Variants in ATP13A4 observed in about 807,000 individuals in gnomAD.
ATP13A4 encodes the protein ATPase 13A4.
In ATP13A4, 114 loss-of-function variants were observed where a neutral mutation model predicts 142.5. The ratio of observed to expected loss-of-function variants is 0.80; its 90% CI spans 0.69 to 0.93. ATP13A4 has a LOEUF of 0.93. ATP13A4 is among the 40% of genes least tolerant of loss of function. ATP13A4 has a pLI of 0.00. For synonymous variants in ATP13A4, 488 were observed against 514.8 expected (o/e 0.95, Z 0.70); for missense variants, 1,392 against 1,454.0 (o/e 0.96, Z 0.69).
intron 1 of ATP13A4, among the ~76,000 whole-genome samples, chr3:193,585,463 C>T (rs1577091155): frequency 6.8e-6 from 1 of 147,036 alleles, no homozygotes; most frequent in East Asian, 2.0e-4. Context: ...AAACAAAAAA[C>T]ATCAGGTTTG....
chr3:193,433,800 A>G (rs778336520), intron 25 of ATP13A4, 45 bp downstream of exon 25: 5 of 1,405,484 alleles, frequency 3.6e-6, no homozygotes, highest in Non-Finnish European at 4.0e-6. Flanking sequence ...GAGGGAGGGC[A>G]GCTGAGGGTA....
chr3:193,578,989 CTGTG>C lies in ATP13A4; in HGVS notation n.291+2714_291+2717del, dbSNP rs748180437. On this transcript the variant is annotated intron_variant and non_coding_transcript_variant, in intron 2 of 3. Coordinates refer to the ATP13A4 transcript ENST00000489140. ...CTCCAACAATTAGTTTTTTCACACC[CTGTG>C]TGTAAGGCAGAAGGGCATGATCACA... 2.9e-4 allele frequency: 60 copies of C among 207,946 alleles called. No individual in the cohort carries two copies. In the East Asian group the frequency reaches 6.1e-3, roughly 21 times the overall value. 12.9% of individuals were successfully genotyped at this position (207,946 alleles called of 1,614,324 possible).
Position 193,417,894 on chromosome 3 carries a change from G to A in ATP13A4, c.2843-3144C>T, listed in dbSNP as rs796613958. Among the ~76,000 whole-genome samples, 51 of 144,972 alleles carry A rather than the reference G, an allele frequency of 3.5e-4. 1 individual carries two copies. Among genetic ancestry groups the A allele is most frequent in the African/African-American group, 6.7e-4 (26 of 38,830 alleles). On this transcript the variant is annotated intron_variant, in intron 25 of 29. Coordinates refer to ENST00000342695, the MANE Select transcript of ATP13A4 (RefSeq NM_032279.4). Reference sequence around the variant, plus strand: ...TCCCAGCACTTTGGGAGGCCAAGGCGGGCGGATCACAAGGTCAGGAGATCG... The same window carrying A: ...TCCCAGCACTTTGGGAGGCCAAGGCAGGCGGATCACAAGGTCAGGAGATCG...
intron 25 of ATP13A4, among the ~76,000 whole-genome samples, chr3:193,429,570 G>A (rs1715860538): frequency 8.7e-6 from 1 of 114,438 alleles, no homozygotes; most frequent in Non-Finnish European, 1.9e-5. Flanking sequence ...ATATTGAATA[G>A]GGAAATTCAT....
chr3:193,445,163 C>T lies in ATP13A4; in HGVS notation c.2153-2607G>A, dbSNP rs575525566. 2.6e-5 allele frequency among the ~76,000 whole-genome samples: 4 copies of T among 152,268 alleles called. No individual in the cohort carries two copies. In the South Asian group the frequency reaches 6.2e-4, roughly 24 times the overall value. ...AAAAATAAGGAGAGCACTGGCCAGG[C>T]GCAGTGGCTCACACCTGTAGTCCCA... is the stretch of plus-strand genomic sequence containing the variant. On this transcript the variant is annotated intron_variant, in intron 18 of 29. Coordinates refer to ENST00000342695, the MANE Select transcript of ATP13A4 (RefSeq NM_032279.4).
intron 1 of ATP13A4, among the ~76,000 whole-genome samples, chr3:193,551,407 G>A (rs1328086803): frequency 2.0e-5 from 3 of 151,716 alleles, no homozygotes; most frequent in African/African-American, 4.8e-5. Flanking sequence ...GCAAGACTCC[G>A]TGTAACAAAA....
chr3:193,516,062 G>A (rs965289343), intron 1 of ATP13A4, among the ~76,000 whole-genome samples: 1 of 152,156 alleles, frequency 6.6e-6, no homozygotes, highest in African/African-American at 2.4e-5. Flanking sequence ...ACATGTCTCT[G>A]AAATAGACCT....
intron 1 of ATP13A4, among the ~76,000 whole-genome samples, chr3:193,550,165 G>A (rs929213867): frequency 6.6e-6 from 1 of 152,046 alleles, no homozygotes; most frequent in Non-Finnish European, 1.5e-5. Context: ...TTAGGAGTTC[G>A]GAAGAAATAC....
rs80037644 is a variant in ATP13A4 at position 193,482,795 on chromosome 3, T to A, written c.808+1141A>T. Among the ~76,000 whole-genome samples, 822 of 152,340 alleles carry A rather than the reference T, an allele frequency of 5.4e-3. 4 individuals are homozygous for A. Among genetic ancestry groups the A allele is most frequent in the African/African-American group, 0.019 (786 of 41,576 alleles). On this transcript the variant is annotated intron_variant, in intron 8 of 29. Transcript: ENST00000342695. ...AGCACCTGGAACTCTCATACACTGC[T>A]AGTGTAAAACGGCGCCACTGCGTTG... is the stretch of plus-strand genomic sequence containing the variant.
chr3:193,473,935 G>A (rs185131972), intron 8 of ATP13A4, among the ~76,000 whole-genome samples: 4 of 152,254 alleles, frequency 2.6e-5, no homozygotes, highest in Non-Finnish European at 5.9e-5. Context: ...AAACACGAAC[G>A]AGGTCTGACC....
chr3:193,442,482 T>C lies in ATP13A4; in HGVS notation c.2227A>G (p.Ile743Val). ...MVSESQKVILIEANETTGSSS... is the reference protein window; with the variant it reads ...MVSESQKVILVEANETTGSSS... ...GACCCGGTGGTTTCATTTGCCTCAA[T>C]GAGAATGACTTTCTGGCTTTCAGAA... The change falls in exon 19 of 30, where the codon ATT becomes GTT. Residue 743 changes from isoleucine to valine, a missense_variant. Physicochemically the swap from Ile to Val is conservative, Grantham distance 29. Coordinates refer to ENST00000342695, the MANE Select transcript of ATP13A4 (RefSeq NM_032279.4). The C allele has an allele frequency of 6.2e-7, 1 of 1,614,038 alleles. No individual in the cohort carries two copies. The highest frequency in any genetic ancestry group is 8.5e-7 in the Non-Finnish European group (1 of 1,179,886).
intron 1 of ATP13A4, among the ~76,000 whole-genome samples, chr3:193,529,504 GC>G (rs1343958923): frequency 6.6e-6 from 1 of 151,944 alleles, no homozygotes; most frequent in African/African-American, 2.4e-5. Context: ...TTGAACTTTT[GC>G]CATTTGTTTT....
At chr3:193,562,440 C>G (rs1724035990) in intron 2 of ATP13A4, among the ~76,000 whole-genome samples, 1 of 152,094 alleles carries the variant, frequency 6.6e-6, no homozygotes, top group Admixed American at 6.5e-5. Flanking sequence ...TGGGAAATAT[C>G]TGTGTGTGCG....
upstream of ATP13A4, among the ~76,000 whole-genome samples, chr3:193,556,509 G>GTGTA (rs869095592): frequency 5.9e-5 from 9 of 151,368 alleles, no homozygotes; most frequent in Admixed American, 3.3e-4. Flanking sequence ...GTGTGTGTGT[G>GTGTA]TATATATATA....
At chr3:193,441,134 C>T (rs1716615551) in intron 20 of ATP13A4, among the ~76,000 whole-genome samples, 1 of 152,010 alleles carries the variant, frequency 6.6e-6, no homozygotes, top group Non-Finnish European at 1.5e-5. Flanking sequence ...GGTCTGCTTT[C>T]CTGTGTAATT....
rs1220763802 is a variant in ATP13A4 at position 193,474,665 on chromosome 3, AAGAAAAAGAAAG to A, written c.809-3684_809-3673del. 8.5e-4 allele frequency among the ~76,000 whole-genome samples: 126 copies of A among 147,746 alleles called. 2 individuals carry two copies. The highest frequency in any genetic ancestry group is 6.9e-3 in the Middle Eastern group (2 of 288). ...AAAGAAAGGAAGAAAGAAAGAAAGAAAGAAAAAGAAAGAAAAAAGAAAGAAAAAGAAAAAAGG... is the reference window on the plus strand; with the variant it reads ...AAAGAAAGGAAGAAAGAAAGAAAGAAAAAAAAGAAAGAAAAAGAAAAAAGG... On this transcript the variant is annotated intron_variant, in intron 8 of 29. Coordinates refer to ENST00000342695, the MANE Select transcript of ATP13A4 (RefSeq NM_032279.4).
At chr3:193,471,689 C>CACACACACAA (rs1446620691) in intron 8 of ATP13A4, among the ~76,000 whole-genome samples, 2 of 151,974 alleles carry the variant, frequency 1.3e-5, no homozygotes, top group African/African-American at 2.4e-5. Context: ...CACACACACA[C>CACACACACAA]ACACAAACAC....
chr3:193,521,119 T>C (rs1721691824), intron 1 of ATP13A4, among the ~76,000 whole-genome samples: 1 of 152,184 alleles, frequency 6.6e-6, no homozygotes, highest in African/African-American at 2.4e-5. Flanking sequence ...CAGTTTTCAA[T>C]TCAAATTGCC....
At chr3:193,555,098 C>T, upstream of ATP13A4, 1 of 503,402 alleles carries the variant, frequency 2.0e-6, no homozygotes, top group Non-Finnish European at 3.4e-6. Context: ...TTGTGCCCAA[C>T]TTACAGGGAA....
Sources: gnomAD v4.1 joint callset for allele counts (sites outside exome capture counted in the v4.1 genomes callset) on GRCh38, gnomAD v4.1.1 for gene constraint, MANE v1.5 for transcripts, NCBI Gene and HGNC (gene_info 2026-07-23, HGNC 2026-07-21) for gene names.